The following DLGAP2 variants were observed in gnomAD, a reference collection of about 807,000 sequenced individuals.
The protein encoded by DLGAP2 is disks large-associated protein 2.
Under a neutral mutation model 100.3 loss-of-function variants are expected in DLGAP2, and 26 were observed. That is an observed-to-expected ratio of 0.26 (90% CI 0.19 to 0.36). The LOEUF (loss-of-function observed/expected upper bound fraction) is 0.36. DLGAP2 is among the 10% of genes least tolerant of loss of function. The pLI is 1.00. For missense variants in DLGAP2, 1,858 were observed against 1,453.2 expected, an observed-to-expected ratio of 1.28 and a Z score of -4.53; for synonymous variants, 886 against 630.1, an observed-to-expected ratio of 1.41 and a Z score of -6.08.
chr8:1,568,966 C>G (rs1179300708), intron 6 of DLGAP2, among the ~76,000 whole-genome samples: 2 of 140,996 alleles, frequency 1.4e-5, no homozygotes, highest in African/African-American at 2.7e-5. Context: ...ACTGTCCACT[C>G]AGCAGACACA....
chr8:824,974 G>C (rs558991007), intron 1 of DLGAP2, among the ~76,000 whole-genome samples: 1 of 152,186 alleles, frequency 6.6e-6, no homozygotes, highest in Non-Finnish European at 1.5e-5. Context: ...CCCCACCTCC[G>C]TGGCGGTCTT....
intron 3 of DLGAP2, among the ~76,000 whole-genome samples, chr8:1,410,321 C>T (rs75382436): frequency 1.2e-4 from 19 of 152,178 alleles, no homozygotes; most frequent in Admixed American, 6.5e-4. Context: ...CATGGCTTCA[C>T]GCGTGCGGCA....
At chr8:1,165,446 A>G (rs1585115373) in intron 2 of DLGAP2, among the ~76,000 whole-genome samples, 1 of 152,180 alleles carries the variant, frequency 6.6e-6, no homozygotes, top group African/African-American at 2.4e-5. Context: ...CAAAGTGTGC[A>G]TGTGTGTCTG....
chr8:1,293,033 G>A (rs1017552505), intron 3 of DLGAP2, among the ~76,000 whole-genome samples: 1 of 152,084 alleles, frequency 6.6e-6, no homozygotes, highest in Admixed American at 6.5e-5. Context: ...GCTTATCCAG[G>A]CCTTTGAGTC....
At chr8:877,157 C>G (rs1207095023) in intron 1 of DLGAP2, among the ~76,000 whole-genome samples, 1 of 152,038 alleles carries the variant, frequency 6.6e-6, no homozygotes, top group Non-Finnish European at 1.5e-5. Flanking sequence ...TGTTGCCTGC[C>G]TCTTATTGTT....
chr8:1,499,597 G>T (rs759915757), intron 3 of DLGAP2, among the ~76,000 whole-genome samples: 1 of 152,152 alleles, frequency 6.6e-6, no homozygotes, highest in East Asian at 1.9e-4. Context: ...GCTGAAAAAC[G>T]CAGCTTAAAC....
At chr8:1,028,668 A>G (rs1318806830) in intron 2 of DLGAP2, among the ~76,000 whole-genome samples, 1 of 152,244 alleles carries the variant, frequency 6.6e-6, no homozygotes, top group African/African-American at 2.4e-5. Flanking sequence ...AGAGCCATCC[A>G]GGAGCTAGGG....
chr8:1,592,327 C>G (rs1039182140), intron 6 of DLGAP2, among the ~76,000 whole-genome samples: 3 of 152,146 alleles, frequency 2.0e-5, no homozygotes, highest in African/African-American at 7.2e-5. Flanking sequence ...ATTATGAAAA[C>G]TCTGAAAATC....
intron 2 of DLGAP2, among the ~76,000 whole-genome samples, chr8:1,067,413 G>A (rs1227565336): frequency 1.3e-5 from 2 of 152,194 alleles, no homozygotes; most frequent in Non-Finnish European, 2.9e-5. Flanking sequence ...CTGGGAAGCT[G>A]CAGGCTCCTG....
At position 1,701,552 on chromosome 8, in the gene DLGAP2, C is replaced by A; in HGVS notation, c.*146C>A. 1 of 857,514 alleles carries A rather than the reference C, an allele frequency of 1.2e-6. No homozygotes were observed. Among genetic ancestry groups the A allele is most frequent in the Non-Finnish European group, 1.7e-6 (1 of 574,958 alleles). The allele number at this position is 857,514 out of a possible 1,614,324, so 53.1% of individuals were successfully genotyped here. A position where few individuals can be genotyped will look rare whatever the true frequency, so the allele number is the denominator to read the frequency against. ...CCCGCGCCCCGGACACAGCGGGACG[C>A]GGCCGGCGGCCTCAGAGTCCACGGA... On this transcript the variant is annotated 3_prime_UTR_variant, in exon 15 of 15. Coordinates refer to ENST00000637795, the MANE Select transcript of DLGAP2 (RefSeq NM_001346810.2).
intron 2 of DLGAP2, among the ~76,000 whole-genome samples, chr8:1,044,659 C>T (rs988888813): frequency 3.9e-5 from 6 of 152,158 alleles, no homozygotes; most frequent in African/African-American, 1.2e-4. Context: ...TAGATGACTT[C>T]GATTCCCATT....
chr8:1,342,363 A>T (rs1801436920), intron 3 of DLGAP2, among the ~76,000 whole-genome samples: 1 of 152,128 alleles, frequency 6.6e-6, no homozygotes, highest in South Asian at 2.1e-4. Context: ...TGATGCGTTT[A>T]ATTTGTGATG....
intron 2 of DLGAP2, among the ~76,000 whole-genome samples, chr8:1,056,286 C>A (rs1176979940): frequency 6.6e-6 from 1 of 152,112 alleles, no homozygotes; most frequent in East Asian, 1.9e-4. Flanking sequence ...CATCTGTGGC[C>A]CCTCTAACGC....
chr8:1,658,032 G>C (rs1479803122), intron 8 of DLGAP2, among the ~76,000 whole-genome samples: 1 of 152,160 alleles, frequency 6.6e-6, no homozygotes, highest in Non-Finnish European at 1.5e-5. Flanking sequence ...GTTCTGTACA[G>C]AGGCTTGAGG....
At chr8:1,164,411 C>CAGATTTT (rs2116659795) in intron 2 of DLGAP2, among the ~76,000 whole-genome samples, 1 of 78,516 alleles carries the variant, frequency 1.3e-5, no homozygotes, top group African/African-American at 4.3e-5. Flanking sequence ...GTTTTGGTTT[C>CAGATTTT]TCTGGAGCTG....
At chr8:1,690,443 G>A (rs959947947) in intron 12 of DLGAP2, among the ~76,000 whole-genome samples, 4 of 151,648 alleles carry the variant, frequency 2.6e-5, no homozygotes, top group South Asian at 2.1e-4. Flanking sequence ...GGTGGCTCAC[G>A]CCTGTAATCC....
At position 1,087,541 on chromosome 8, in the gene DLGAP2, TTCTC is replaced by T. The variant is rs535340470; in HGVS notation, c.74-171300_74-171297del. Among the ~76,000 whole-genome samples, 195 of 138,986 alleles carry T rather than the reference TTCTC, an allele frequency of 1.4e-3. 1 individual carries two copies. Among genetic ancestry groups the T allele is most frequent in the African/African-American group, 4.5e-3 (179 of 39,694 alleles). The allele number at this position is 138,986 out of a possible 152,430, so 91.2% of individuals were successfully genotyped here. A position where few individuals can be genotyped will look rare whatever the true frequency, so the allele number is the denominator to read the frequency against. Reference sequence around the variant, plus strand: ...AGTGAACCACATGTGTGACTCCTCTTTCTCTCTCTCTCTTTTTTTTTTTTTCATG... The same window carrying T: ...AGTGAACCACATGTGTGACTCCTCTTTCTCTCTCTTTTTTTTTTTTTCATG... On this transcript the variant is annotated intron_variant, in intron 2 of 14. Coordinates refer to ENST00000637795, the MANE Select transcript of DLGAP2 (RefSeq NM_001346810.2).
intron 3 of DLGAP2, among the ~76,000 whole-genome samples, chr8:1,259,089 G>T (rs141256880): frequency 6.6e-6 from 1 of 152,258 alleles, no homozygotes; most frequent in Non-Finnish European, 1.5e-5. Context: ...CTCTGAAGAA[G>T]AATTGGCTTT....
At chr8:1,067,662 G>A (rs1326470811) in intron 2 of DLGAP2, among the ~76,000 whole-genome samples, 10 of 143,666 alleles carry the variant, frequency 7.0e-5, no homozygotes. Flanking sequence ...AATATTTTTA[G>A]CACAGTTTTA....
Sources: gnomAD v4.1 joint callset for allele counts (sites outside exome capture counted in the v4.1 genomes callset) on GRCh38, gnomAD v4.1.1 for gene constraint, MANE v1.5 for transcripts, NCBI Gene and HGNC (gene_info 2026-07-23, HGNC 2026-07-21) for gene names.